PCBP3: variants seen among roughly 807,000 people sequenced by gnomAD.
PCBP3 encodes poly(rC) binding protein 3, also known as poly(rC)-binding protein 3.
A neutral mutation model predicts 52.7 loss-of-function variants in PCBP3; 25 were observed. The observed-to-expected ratio is 0.47, with a 90% CI of 0.35 to 0.66. The LOEUF (loss-of-function observed/expected upper bound fraction) is 0.66, where lower values mean the gene tolerates loss of function less well. Among genes scored for constraint, PCBP3 ranks in the 30% least tolerant of loss-of-function variants. The probability of loss-of-function intolerance (pLI) is 0.01; values close to 1 mark genes in which losing one functional copy is unlikely to be tolerated. For synonymous variants in PCBP3, 162 were observed against 183.0 expected, an observed-to-expected ratio of 0.89 and a Z score of 0.93; for missense variants, 391 against 490.3, an observed-to-expected ratio of 0.80 and a Z score of 1.91.
chr21:45,799,427 G>T (rs143971144), intron 4 of PCBP3, among the ~76,000 whole-genome samples: 245 of 148,150 alleles, frequency 1.7e-3, no homozygotes, highest in African/African-American at 5.4e-3. Context: ...TGATAAAATT[G>T]TTCTGTTTTA....
intron 6 of PCBP3, among the ~76,000 whole-genome samples, chr21:45,898,672 C>A (rs1243309673): frequency 1.4e-5 from 1 of 71,744 alleles, no homozygotes; most frequent in African/African-American, 7.2e-5. Flanking sequence ...TCACAGCCTC[C>A]CTCTCCCTCC....
chr21:45,916,822 T>G (rs1318922927), intron 12 of PCBP3: 1 of 152,320 alleles, frequency 6.6e-6, no homozygotes, highest in Non-Finnish European at 1.5e-5. Flanking sequence ...GTGGTCCATT[T>G]GTTGTCTGGC....
intron 13 of PCBP3, among the ~76,000 whole-genome samples, chr21:45,919,830 TGTGTGTGC>T (rs772122461): frequency 0.011 from 1,336 of 122,024 alleles, 16 homozygotes; most frequent in African/African-American, 0.044. Context: ...TGTGTGTGTG[TGTGTGTGC>T]GCGCGCGCGT....
At chr21:45,852,227 T>C (rs1428620219) in intron 5 of PCBP3, among the ~76,000 whole-genome samples, 1 of 152,264 alleles carries the variant, frequency 6.6e-6, no homozygotes, top group East Asian at 1.9e-4. Context: ...ACAACTATTA[T>C]GCGTCAATTA....
chr21:45,790,247 AG>A (rs1311814401), intron 4 of PCBP3, among the ~76,000 whole-genome samples: 1 of 152,096 alleles, frequency 6.6e-6, no homozygotes, highest in African/African-American at 2.4e-5. Context: ...GGACGTCATG[AG>A]AGGGTCAGAT....
At chr21:45,776,648 TTAAAG>T (rs1827270761) in intron 4 of PCBP3, among the ~76,000 whole-genome samples, 1 of 152,194 alleles carries the variant, frequency 6.6e-6, no homozygotes, top group African/African-American at 2.4e-5. Context: ...CTTTCTTGAC[TTAAAG>T]TCTATTTTAT....
intron 4 of PCBP3, among the ~76,000 whole-genome samples, chr21:45,824,086 T>C (rs2093235838): frequency 6.6e-6 from 1 of 152,220 alleles, no homozygotes; most frequent in Non-Finnish European, 1.5e-5. Context: ...ATAATGTGTC[T>C]TTAGTTGATT....
intron 16 of PCBP3, among the ~76,000 whole-genome samples, chr21:45,939,610 C>G (rs1209635799): frequency 1.3e-5 from 2 of 152,212 alleles, no homozygotes; most frequent in Non-Finnish European, 2.9e-5. Flanking sequence ...AAGGGGTCTC[C>G]CTGGGATGTG....
At chr21:45,924,309 C>A (rs1429497909) in intron 13 of PCBP3, among the ~76,000 whole-genome samples, 5 of 132,838 alleles carry the variant, frequency 3.8e-5, no homozygotes, top group Admixed American at 7.5e-5. Context: ...CGGGAACAGT[C>A]GCGTGGGTAG....
At position 45,910,879 on chromosome 21, in the gene PCBP3, C is replaced by T. The variant is rs988362538; in HGVS notation, c.472-23C>T. 3.2e-6 allele frequency: 5 copies of T among 1,581,238 alleles called. No individual in the cohort carries two copies. In the Admixed American group the frequency reaches 6.8e-5, roughly 21 times the overall value. On this transcript the variant is annotated intron_variant, in intron 10 of 17. Coordinates refer to ENST00000681687, the MANE Select transcript of PCBP3 (RefSeq NM_001384156.1). ...CCATGCGCTGCTACCCTGGTGCTCC[C>T]TTCCAATGTCCCCTCTCTCCAGTCC... is the stretch of plus-strand genomic sequence containing the variant.
At chr21:45,890,770 A>C (rs2095637172) in intron 5 of PCBP3, among the ~76,000 whole-genome samples, 1 of 148,474 alleles carries the variant, frequency 6.7e-6, no homozygotes, top group African/African-American at 2.5e-5. Flanking sequence ...TGCATTACTG[A>C]TGGGAATGTA....
chr21:45,693,321 A>G (rs1196226329), intron 2 of PCBP3, among the ~76,000 whole-genome samples: 1 of 152,148 alleles, frequency 6.6e-6, no homozygotes, highest in African/African-American at 2.4e-5. Flanking sequence ...TAACTGAAAG[A>G]AGACAGACAT....
rs143155501 is a variant in PCBP3, at chr21:45,721,539, T to C, written c.-199-13853T>C. Among the ~76,000 whole-genome samples the C allele has an allele frequency of 2.6e-5, 4 of 152,210 alleles. No homozygotes were observed. In the East Asian group the frequency reaches 7.7e-4, roughly 29 times the overall value. On this transcript the variant is annotated intron_variant, in intron 2 of 17. Transcript: ENST00000681687. ...TCGAGTTCACAATGATTTCCACAGCTCCTGACCCCAATTTAATTATTATTA... is the reference window on the plus strand; with the variant it reads ...TCGAGTTCACAATGATTTCCACAGCCCCTGACCCCAATTTAATTATTATTA...
At position 45,827,106 on chromosome 21, in the gene PCBP3, G is replaced by A. The variant is rs988132813; in HGVS notation, c.-125-22855G>A. Among the ~76,000 whole-genome samples, 4 of 152,124 alleles carry A rather than the reference G, an allele frequency of 2.6e-5. No homozygotes were observed. Among genetic ancestry groups the A allele is most frequent in the Non-Finnish European group, 5.9e-5 (4 of 68,010 alleles). The stretch of plus-strand genomic sequence containing the variant: ...TCTCAAGAGCGCTCCCCACTCCCGC[G>A]TCCCTGGGGACCACACGGGGACTGG... On this transcript the variant is annotated intron_variant, in intron 4 of 17. Transcript: ENST00000681687. This position sits in a 1 kb window ranked among gnomAD's most constrained non-coding sequence, Gnocchi z 4.3.
chr21:45,772,644 G>A (rs1042593800), intron 4 of PCBP3, among the ~76,000 whole-genome samples: 3 of 152,008 alleles, frequency 2.0e-5, no homozygotes, highest in Non-Finnish European at 2.9e-5. Flanking sequence ...TCTCTGTACT[G>A]TTTTCCATAG....
At chr21:45,868,463 A>G (rs1429779036) in intron 5 of PCBP3, among the ~76,000 whole-genome samples, 1 of 148,398 alleles carries the variant, frequency 6.7e-6, no homozygotes, top group Non-Finnish European at 1.5e-5. Context: ...GTTACAGTCA[A>G]TAAAAGCCAC....
intron 4 of PCBP3, among the ~76,000 whole-genome samples, chr21:45,765,532 GGT>G (rs2089227382): frequency 6.6e-6 from 1 of 152,218 alleles, no homozygotes; most frequent in Admixed American, 6.5e-5. Flanking sequence ...CAGACCCCAG[GGT>G]GCGCGCTGCC....
Position 45,853,351 on chromosome 21 carries a change from G to A in PCBP3, c.10+3256G>A, listed in dbSNP as rs770442248. ...CCAATGGCCCTTAAAGGCAGGGCTG[G>A]CGTTACTGGTGGAGGGTGTCCAGGT... On this transcript the variant is annotated intron_variant, in intron 5 of 17. Coordinates refer to ENST00000681687, the MANE Select transcript of PCBP3 (RefSeq NM_001384156.1). This position sits in a 1 kb window ranked among gnomAD's most constrained non-coding sequence, Gnocchi z 4.6. Among the ~76,000 whole-genome samples the A allele has an allele frequency of 5.3e-5, 8 of 152,238 alleles. No homozygotes were observed. Among genetic ancestry groups the A allele is most frequent in the Non-Finnish European group, 8.8e-5 (6 of 68,044 alleles).
chr21:45,655,942 G>C (rs1416637148), intron 1 of PCBP3, among the ~76,000 whole-genome samples: 3 of 152,208 alleles, frequency 2.0e-5, no homozygotes, highest in Non-Finnish European at 2.9e-5. Context: ...ACCACAATGA[G>C]ATACCGTCTC....
Sources: gnomAD v4.1 joint callset for allele counts (sites outside exome capture counted in the v4.1 genomes callset) on GRCh38, gnomAD v4.1.1 for gene constraint, Gnocchi (gnomAD v3.1) non-coding constraint, MANE v1.5 for transcripts, NCBI Gene and HGNC (gene_info 2026-07-23, HGNC 2026-07-21) for gene names.